The following C7orf78 variants were observed in gnomAD, a reference collection of about 807,000 sequenced individuals.
C7orf78 encodes the protein putative uncharacterized protein C7orf78.
the C7orf78 span, among the ~76,000 whole-genome samples, chr7:12,515,281 C>T: frequency 6.6e-5 from 10 of 152,256 alleles, no homozygotes; most frequent in East Asian, 9.6e-4. Flanking sequence ...ATAAGTCTCA[C>T]GAGATATGAT....
the C7orf78 span, among the ~76,000 whole-genome samples, chr7:12,490,332 T>C: frequency 6.6e-6 from 1 of 152,118 alleles, no homozygotes; most frequent in African/African-American, 2.4e-5. Context: ...TTTTACATCA[T>C]CTACTTTTTG....
At chr7:12,510,495 T>A in the C7orf78 span, among the ~76,000 whole-genome samples, 2 of 152,194 alleles carry the variant, frequency 1.3e-5, no homozygotes, top group African/African-American at 4.8e-5. Context: ...ATCTCCATAC[T>A]GTAGTGAGAA....
chr7:12,489,072 G>T, the C7orf78 span, among the ~76,000 whole-genome samples: 1 of 152,012 alleles, frequency 6.6e-6, no homozygotes, highest in Admixed American at 6.6e-5. Context: ...CAATATAAAA[G>T]AATTCTTATT....
the C7orf78 span, among the ~76,000 whole-genome samples, chr7:12,505,493 A>C: frequency 6.6e-6 from 1 of 152,134 alleles, no homozygotes; most frequent in African/African-American, 2.4e-5. Flanking sequence ...GAGATTTGAA[A>C]ATGCTTTCAT....
At chr7:12,526,089 T>C in the C7orf78 span, among the ~76,000 whole-genome samples, 1 of 152,178 alleles carries the variant, frequency 6.6e-6, no homozygotes, top group Non-Finnish European at 1.5e-5. Flanking sequence ...CAACTGTTAC[T>C]ATATTATTAA....
the C7orf78 span, among the ~76,000 whole-genome samples, chr7:12,536,547 G>T: frequency 1.2e-4 from 19 of 152,100 alleles, no homozygotes; most frequent in Non-Finnish European, 2.2e-4. Flanking sequence ...ATTGTCTTGG[G>T]GTTTAACATT....
chr7:12,485,041 T>C, the C7orf78 span, among the ~76,000 whole-genome samples: 8 of 152,306 alleles, frequency 5.3e-5, no homozygotes, highest in East Asian at 1.5e-3. Flanking sequence ...AAAGATGAAT[T>C]TTTGAAACTA....
the C7orf78 span, among the ~76,000 whole-genome samples, chr7:12,537,648 T>C: frequency 6.6e-6 from 1 of 152,182 alleles, no homozygotes; most frequent in Non-Finnish European, 1.5e-5. Flanking sequence ...ATATATAAGA[T>C]ATATTTGTAT....
chr7:12,504,625 A>T, the C7orf78 span: 3 of 152,112 alleles, frequency 2.0e-5, no homozygotes, highest in Admixed American at 1.3e-4. Flanking sequence ...TGTCAAACTG[A>T]CTAGCTCTTT....
the C7orf78 span, among the ~76,000 whole-genome samples, chr7:12,530,779 G>A: frequency 2.0e-5 from 3 of 152,120 alleles, no homozygotes; most frequent in Admixed American, 1.3e-4. Context: ...GGCCTGAAAA[G>A]ACTCTTGTAG....
At chr7:12,535,235 AAAAG>A in the C7orf78 span, among the ~76,000 whole-genome samples, 2 of 152,170 alleles carry the variant, frequency 1.3e-5, no homozygotes, top group African/African-American at 2.4e-5. Context: ...GGCAATTTAC[AAAAG>A]AAAGAGGTTT....
At chr7:12,523,311 A>T in the C7orf78 span, 1 of 398,398 alleles carries the variant, frequency 2.5e-6, no homozygotes, top group Non-Finnish European at 4.4e-6. Flanking sequence ...ACAGCTCCTA[A>T]ATTTATAACT....
chr7:12,527,199 G>A, the C7orf78 span, among the ~76,000 whole-genome samples: 1 of 137,484 alleles, frequency 7.3e-6, no homozygotes, highest in Non-Finnish European at 1.5e-5. Context: ...TATGCTATGT[G>A]TCACTCACTA....
chr7:12,493,430 C>T, the C7orf78 span, among the ~76,000 whole-genome samples: 1 of 152,146 alleles, frequency 6.6e-6, no homozygotes, highest in South Asian at 2.1e-4. Context: ...TCAAAGTTGA[C>T]CAGACATCAG....
chr7:12,525,842 T>G, the C7orf78 span: 1 of 396,980 alleles, frequency 2.5e-6, no homozygotes, highest in Non-Finnish European at 4.4e-6. Flanking sequence ...TTACCAAACT[T>G]TGAGACAACT....
the C7orf78 span, among the ~76,000 whole-genome samples, chr7:12,498,048 A>G: frequency 1.3e-5 from 2 of 151,852 alleles, no homozygotes; most frequent in East Asian, 3.9e-4. Context: ...GAAAACTAAC[A>G]AACAGAAAGG....
the C7orf78 span, among the ~76,000 whole-genome samples, chr7:12,511,908 C>T: frequency 1.7e-4 from 25 of 147,592 alleles, no homozygotes; most frequent in Non-Finnish European, 3.0e-4. Flanking sequence ...CCCACCACCA[C>T]ACCTGGCTAA....
the C7orf78 span, among the ~76,000 whole-genome samples, chr7:12,540,758 T>C: frequency 6.6e-6 from 1 of 152,344 alleles, no homozygotes. Context: ...TTTATAAGCT[T>C]GGTTTTAGTT....
the C7orf78 span, among the ~76,000 whole-genome samples, chr7:12,493,112 G>C: frequency 2.6e-4 from 39 of 152,248 alleles, no homozygotes; most frequent in African/African-American, 9.1e-4. Context: ...TGAGGTGAGA[G>C]AATTGCTTGA....
Sources: gnomAD v4.1 joint callset for allele counts (sites outside exome capture counted in the v4.1 genomes callset) on GRCh38, gnomAD v4.1.1 for gene constraint, MANE v1.5 for transcripts, NCBI Gene and HGNC (gene_info 2026-07-23, HGNC 2026-07-21) for gene names.